PEAK1: variants seen among roughly 807,000 people sequenced by gnomAD.
The protein encoded by PEAK1 is inactive tyrosine-protein kinase PEAK1.
In PEAK1, 54 loss-of-function variants were observed where a neutral mutation model predicts 124.7. The observed-to-expected ratio is 0.43, with a 90% CI of 0.35 to 0.54. PEAK1 has a LOEUF of 0.54. Among genes scored for constraint, PEAK1 ranks in the 20% least tolerant of loss-of-function variants. The pLI, the probability that PEAK1 is intolerant of heterozygous loss-of-function variation, is 0.01. For synonymous variants in PEAK1, 719 were observed against 760.0 expected, an observed-to-expected ratio of 0.95 and a Z score of 0.89; for missense variants, 2,046 against 2,134.5, an observed-to-expected ratio of 0.96 and a Z score of 0.82.
At position 77,390,117 on chromosome 15, in the gene PEAK1, A is replaced by AT. The variant is rs1186518513; in HGVS notation, c.-665-24893dup. 3.3e-5 allele frequency among the ~76,000 whole-genome samples: 5 copies of AT among 152,346 alleles called. No homozygotes were observed. In the East Asian group the frequency reaches 7.7e-4, roughly 23 times the overall value. ...TGGGAGAGCTGGGATTCAAACCCAG[A>AT]TAACAGTAAAAATTTCAAAACAGTG... On this transcript the variant is annotated intron_variant, in intron 1 of 9. Transcript: ENST00000682557.
chr15:77,218,243 A>G (rs4886856), intron 6 of PEAK1, among the ~76,000 whole-genome samples: 99,632 of 151,970 alleles, frequency 0.66, 33,628 homozygotes, highest in Non-Finnish European at 0.75. Flanking sequence ...CTATCTGTAG[A>G]TTTTTTTGGT....
chr15:77,203,980 G>A (rs1369434006), intron 6 of PEAK1, among the ~76,000 whole-genome samples: 2 of 152,120 alleles, frequency 1.3e-5, no homozygotes, highest in African/African-American at 4.8e-5. Flanking sequence ...GAGAACACAA[G>A]CCACATAGTG....
At chr15:77,350,411 T>TAGGG (rs1224741300) in intron 2 of PEAK1, 1 of 985,260 alleles carries the variant, frequency 1.0e-6, no homozygotes, top group African/African-American at 1.7e-5. Context: ...TATCACTGAA[T>TAGGG]AGGGAACAGC....
intron 6 of PEAK1, among the ~76,000 whole-genome samples, chr15:77,229,908 A>T (rs2059834421): frequency 6.6e-6 from 1 of 152,070 alleles, no homozygotes; most frequent in East Asian, 1.9e-4. Context: ...TGGCCTCCCA[A>T]AGTGCTGGGA....
chr15:77,254,779 T>C (rs2061049115), intron 5 of PEAK1, among the ~76,000 whole-genome samples: 1 of 152,192 alleles, frequency 6.6e-6, no homozygotes, highest in Admixed American at 6.5e-5. Flanking sequence ...ATATGAATTA[T>C]ATACTTAAGA....
rs1300392554 is a variant in PEAK1 at position 77,228,612 on chromosome 15, G to A, written c.-115+23755C>T. On this transcript the variant is annotated intron_variant, in intron 6 of 9. Transcript: ENST00000682557. ...TCTTTCACAGTCTAGCACAAACCCT[G>A]AGAGGATGGGTAGGTCCCAGGCAGG... Among the ~76,000 whole-genome samples, 9 of 152,206 alleles carry A rather than the reference G, an allele frequency of 5.9e-5. No homozygotes were observed. In the South Asian group the frequency reaches 1.9e-3, roughly 32 times the overall value.
rs74381165 is a variant in PEAK1, at chr15:77,239,800, A to T, written c.-115+12567T>A. ...TACATACCTCCTGGGCTCTTTTAACATTCTTCTTTCAATGCATCTTTCAAA... is the reference window on the plus strand; with the variant it reads ...TACATACCTCCTGGGCTCTTTTAACTTTCTTCTTTCAATGCATCTTTCAAA... On this transcript the variant is annotated intron_variant, in intron 6 of 9. Transcript: ENST00000682557. The T allele has an allele frequency of 1.9e-3, 1,827 of 976,376 alleles. 27 individuals carry two copies. The African/African-American group carries it at 0.03, about 16-fold the overall frequency. The allele number at this position is 976,376 out of a possible 1,614,324, so 60.5% of individuals were successfully genotyped here.
intron 5 of PEAK1, among the ~76,000 whole-genome samples, chr15:77,275,399 T>C (rs2062257992): frequency 6.6e-6 from 1 of 152,108 alleles, no homozygotes; most frequent in African/African-American, 2.4e-5. Flanking sequence ...TTAAATCAAG[T>C]GGGTCCACTT....
chr15:77,102,703 T>C (rs1462513217), exon 7 of PEAK1: 6 of 152,254 alleles, frequency 3.9e-5, no homozygotes, highest in Admixed American at 3.9e-4. Context: ...TTCATACTGA[T>C]ACTATTTTTA....
At chr15:77,418,827 G>A in intron 1 of PEAK1, 1 of 985,112 alleles carries the variant, frequency 1.0e-6, no homozygotes, top group Non-Finnish European at 1.2e-6. Flanking sequence ...CATTTATCGG[G>A]GGAAAAAAAA....
chr15:77,335,646 T>C (rs1597343664), intron 2 of PEAK1: 1 of 653,462 alleles, frequency 1.5e-6, no homozygotes, highest in East Asian at 1.4e-4. Flanking sequence ...ATGCAGCTAA[T>C]TTTTTGCTGC....
intron 1 of PEAK1, among the ~76,000 whole-genome samples, chr15:77,374,984 G>C (rs1389126883): frequency 6.6e-6 from 1 of 152,088 alleles, no homozygotes; most frequent in African/African-American, 2.4e-5. Context: ...ACTTAGAAAA[G>C]AGGAGAAAAA....
intron 6 of PEAK1, among the ~76,000 whole-genome samples, chr15:77,216,470 T>G (rs1378130184): frequency 6.6e-6 from 1 of 152,194 alleles, no homozygotes; most frequent in South Asian, 2.1e-4. Context: ...AGAACAAACA[T>G]CAACTTTATA....
chr15:77,372,883 T>TC (rs1449961269), intron 1 of PEAK1, among the ~76,000 whole-genome samples: 29 of 152,254 alleles, frequency 1.9e-4, no homozygotes, highest in Middle Eastern at 3.4e-3. Flanking sequence ...TCTCTCTCTC[T>TC]TTATGCCTGC....
chr15:77,375,343 C>T (rs2068927080), intron 1 of PEAK1, among the ~76,000 whole-genome samples: 1 of 152,108 alleles, frequency 6.6e-6, no homozygotes, highest in Non-Finnish European at 1.5e-5. Flanking sequence ...GTTGACTACC[C>T]AACAGCCTCT....
intron 1 of PEAK1, among the ~76,000 whole-genome samples, chr15:77,390,158 C>A (rs2070329833): frequency 6.6e-6 from 1 of 152,132 alleles, no homozygotes; most frequent in South Asian, 2.1e-4. Context: ...GTCAATAACA[C>A]AGCAACAAGT....
At chr15:77,176,751 C>T (rs1488485462) in intron 7 of PEAK1, among the ~76,000 whole-genome samples, 1 of 152,118 alleles carries the variant, frequency 6.6e-6, no homozygotes, top group South Asian at 2.1e-4. Flanking sequence ...GCCTATATAC[C>T]GTGGCATGCA....
At chr15:77,378,043 T>C (rs2069169328) in intron 1 of PEAK1, among the ~76,000 whole-genome samples, 1 of 152,110 alleles carries the variant, frequency 6.6e-6, no homozygotes, top group South Asian at 2.1e-4. Context: ...CCAAGAGTGA[T>C]CTCTCCTCTT....
Position 77,180,830 on chromosome 15 carries a change from T to C in PEAK1, c.1097A>G (p.Asn366Ser), listed in dbSNP as rs112163457. Residue 366 changes from asparagine (N) to serine (S), a missense_variant, in exon 7 of 10, where the codon AAT becomes AGT. Asn to Ser is a conservative substitution (Grantham distance 46, BLOSUM62 1). Transcript: ENST00000682557. ...TASSLSQKIC[N>S]GGLSPGNPGD... ...TGGGTTACCAGGAGATAATCCCCCA[T>C]TACAAATCTTCTGGGATAAACTACT... 2.5e-6 allele frequency: 4 copies of C among 1,613,814 alleles called. No individual in the cohort carries two copies. Among genetic ancestry groups the C allele is most frequent in the Admixed American group, 3.3e-5 (2 of 59,972 alleles).
Sources: allele counts gnomAD v4.1 joint callset (sites outside exome capture counted in the v4.1 genomes callset), GRCh38; gene constraint gnomAD v4.1.1; transcripts MANE v1.5; gene names NCBI Gene and HGNC (gene_info 2026-07-23, HGNC 2026-07-21).